NRXN1: variants seen among roughly 807,000 people sequenced by gnomAD.
The protein encoded by NRXN1 is neurexin-1.
Under a neutral mutation model 150.9 loss-of-function variants are expected in NRXN1, and 39 were observed. That is an observed-to-expected ratio of 0.26 (90% CI 0.20 to 0.34). The LOEUF (loss-of-function observed/expected upper bound fraction) is 0.34, where lower values mean the gene tolerates loss of function less well. NRXN1 is among the 10% of genes least tolerant of loss of function. The pLI, the probability that NRXN1 is intolerant of heterozygous loss-of-function variation, is 1.00. For synonymous variants in NRXN1, 924 were observed against 757.0 expected, an observed-to-expected ratio of 1.22 and a Z score of -3.62; for missense variants, 1,815 against 1,949.9, an observed-to-expected ratio of 0.93 and a Z score of 1.30.
intron 13 of NRXN1, among the ~76,000 whole-genome samples, chr2:50,503,529 G>C (rs1324257127): frequency 6.8e-6 from 1 of 146,072 alleles, no homozygotes; most frequent in Non-Finnish European, 1.5e-5. Flanking sequence ...AAAAGGAAGG[G>C]AGGAAGAAAG....
At chr2:50,790,348 T>C (rs1409788121) in intron 5 of NRXN1, among the ~76,000 whole-genome samples, 1 of 152,198 alleles carries the variant, frequency 6.6e-6, no homozygotes, top group Non-Finnish European at 1.5e-5. Flanking sequence ...TGACCATCTC[T>C]TATATCACTT....
intron 10 of NRXN1, among the ~76,000 whole-genome samples, chr2:50,537,342 T>C (rs1361217647): frequency 6.6e-6 from 1 of 152,154 alleles, no homozygotes; most frequent in East Asian, 1.9e-4. Flanking sequence ...TTAGTTCCAT[T>C]GTTGAAAATA....
intron 10 of NRXN1, among the ~76,000 whole-genome samples, chr2:50,533,075 T>C (rs531641583): frequency 6.6e-6 from 1 of 152,374 alleles, no homozygotes; most frequent in South Asian, 2.1e-4. Flanking sequence ...TCAAGTACTG[T>C]TTCTATAAGA....
At chr2:49,923,964 A>C (rs911328666) in intron 22 of NRXN1, among the ~76,000 whole-genome samples, 4 of 152,356 alleles carry the variant, frequency 2.6e-5, no homozygotes, top group African/African-American at 7.2e-5. Context: ...GTGAAAGGAG[A>C]CAAAGACTAT....
intron 8 of NRXN1, among the ~76,000 whole-genome samples, chr2:50,614,098 A>G (rs1174625472): frequency 6.6e-6 from 1 of 152,160 alleles, no homozygotes; most frequent in Non-Finnish European, 1.5e-5. Flanking sequence ...GGGAAGGTCA[A>G]TGTAAGTAAA....
intron 19 of NRXN1, among the ~76,000 whole-genome samples, chr2:50,084,210 T>G (rs1018208262): frequency 6.6e-6 from 1 of 152,206 alleles, no homozygotes; most frequent in Non-Finnish European, 1.5e-5. Flanking sequence ...CAGATGGAGC[T>G]GCCTGCCAGT....
intron 2 of NRXN1, among the ~76,000 whole-genome samples, chr2:50,927,343 A>G (rs866048309): frequency 6.6e-6 from 1 of 152,088 alleles, no homozygotes; most frequent in Admixed American, 6.6e-5. Context: ...AGCATGTAAT[A>G]GAAAATGGCT....
intron 5 of NRXN1, among the ~76,000 whole-genome samples, chr2:50,743,696 C>T (rs1699702500): frequency 6.6e-6 from 1 of 152,038 alleles, no homozygotes; most frequent in Non-Finnish European, 1.5e-5. Flanking sequence ...TCTTTTAAAC[C>T]CTCACTACAG....
intron 17 of NRXN1, among the ~76,000 whole-genome samples, chr2:50,262,012 C>T (rs2068339441): frequency 6.6e-6 from 1 of 151,880 alleles, no homozygotes; most frequent in South Asian, 2.1e-4. Context: ...TAAAATGTCA[C>T]TCCACCAAAG....
At chr2:50,642,300 A>G (rs528561652) in intron 5 of NRXN1, among the ~76,000 whole-genome samples, 11 of 152,070 alleles carry the variant, frequency 7.2e-5, no homozygotes, top group Non-Finnish European at 1.6e-4. Context: ...TATGGAACTT[A>G]AAAAGAAGAA....
intron 17 of NRXN1, among the ~76,000 whole-genome samples, chr2:50,311,862 C>T (rs1225560852): frequency 1.3e-5 from 2 of 151,842 alleles, no homozygotes; most frequent in Non-Finnish European, 2.9e-5. Context: ...GTCTGTAAAC[C>T]TAAATAAATG....
chr2:50,156,924 A>G (rs893491480), intron 18 of NRXN1, among the ~76,000 whole-genome samples: 4 of 152,042 alleles, frequency 2.6e-5, no homozygotes, highest in Non-Finnish European at 5.9e-5. Context: ...TACCACACAA[A>G]TGCTAAAAGA....
At chr2:50,174,944 C>T (rs1327036314) in intron 18 of NRXN1, 1 of 152,158 alleles carries the variant, frequency 6.6e-6, no homozygotes, top group East Asian at 1.9e-4. Context: ...CTATCATTTG[C>T]CTACAATTTC....
At chr2:50,956,761 A>G (rs1692349647) in intron 2 of NRXN1, among the ~76,000 whole-genome samples, 1 of 151,894 alleles carries the variant, frequency 6.6e-6, no homozygotes, top group South Asian at 2.1e-4. Context: ...TAAAAAATAA[A>G]AAGCAAGATT....
At chr2:50,067,791 T>A (rs1323967457) in intron 19 of NRXN1, among the ~76,000 whole-genome samples, 1 of 152,224 alleles carries the variant, frequency 6.6e-6, no homozygotes, top group Non-Finnish European at 1.5e-5. Context: ...TTCCCAGATA[T>A]GAGAATCTTG....
At chr2:50,732,923 T>C (rs1230020979) in intron 5 of NRXN1, among the ~76,000 whole-genome samples, 2 of 152,182 alleles carry the variant, frequency 1.3e-5, no homozygotes, top group Non-Finnish European at 2.9e-5. Flanking sequence ...TGTGTTCTGT[T>C]TTGTGATTCA....
intron 5 of NRXN1, among the ~76,000 whole-genome samples, chr2:50,699,414 A>C (rs1252257411): frequency 1.3e-5 from 2 of 152,172 alleles, no homozygotes; most frequent in East Asian, 3.9e-4. Context: ...TGAGTGGATC[A>C]ACTCATTGCA....
intron 5 of NRXN1, among the ~76,000 whole-genome samples, chr2:50,836,339 T>C (rs1262341060): frequency 1.3e-5 from 2 of 152,154 alleles, no homozygotes; most frequent in Non-Finnish European, 2.9e-5. Context: ...ACATTTAAAA[T>C]CTACCCCCTT....
chr2:50,828,082 G>A (rs534353842), intron 5 of NRXN1, among the ~76,000 whole-genome samples: 1 of 150,610 alleles, frequency 6.6e-6, no homozygotes, highest in Non-Finnish European at 1.5e-5. Flanking sequence ...CCACAAAACC[G>A]CCATTGTCAT....
Sources: allele counts gnomAD v4.1 joint callset (sites outside exome capture counted in the v4.1 genomes callset), GRCh38; gene constraint gnomAD v4.1.1; transcripts MANE v1.5; gene names NCBI Gene and HGNC (gene_info 2026-07-23, HGNC 2026-07-21).